The following RSU1 variants were observed in gnomAD, a reference collection of about 807,000 sequenced individuals.
The protein encoded by RSU1 is Ras suppressor protein 1.
Under a neutral mutation model 31.1 loss-of-function variants are expected in RSU1, and 26 were observed. The ratio of observed to expected loss-of-function variants is 0.84; its 90% confidence interval spans 0.61 to 1.16. The LOEUF (loss-of-function observed/expected upper bound fraction) is 1.16, where lower values mean the gene tolerates loss of function less well. Ranked by LOEUF, RSU1 falls within the 50% of genes most tolerant of loss-of-function variation. RSU1 has a pLI of 0.00. For missense variants in RSU1, 320 were observed against 339.1 expected (o/e 0.94, Z 0.44); for synonymous variants, 164 against 136.3 (o/e 1.20, Z -1.41).
chr10:16,756,948 T>C (rs1837099581), intron 4 of RSU1, among the ~76,000 whole-genome samples: 1 of 148,372 alleles, frequency 6.7e-6, no homozygotes, highest in Non-Finnish European at 1.5e-5. Flanking sequence ...GGCGGGTATG[T>C]GTGTGGTGTG....
intron 4 of RSU1, among the ~76,000 whole-genome samples, chr10:16,757,690 A>G (rs939026947): frequency 5.3e-5 from 8 of 152,160 alleles, no homozygotes; most frequent in African/African-American, 1.4e-4. Flanking sequence ...TGAAGGCGAC[A>G]TGTGTCTGGA....
rs116895863 is a variant in RSU1 at position 16,771,027 on chromosome 10, T to A, written c.161-6517A>T. Among the ~76,000 whole-genome samples, 430 of 151,410 alleles carry A rather than the reference T, an allele frequency of 2.8e-3. 10 individuals are homozygous for A. The East Asian group carries it at 0.064, about 23-fold the overall frequency. The stretch of plus-strand genomic sequence containing the variant: ...TAACAAATGAAAATGCCTGGGCAGA[T>A]GTTCACAATGTCATATATTTCTGCA... On this transcript the variant is annotated intron_variant, in intron 3 of 8. Transcript: ENST00000345264.
chr10:16,803,355 A>G (rs756055335), intron 2 of RSU1, among the ~76,000 whole-genome samples: 4 of 152,184 alleles, frequency 2.6e-5, no homozygotes, highest in Admixed American at 2.0e-4. Flanking sequence ...GAAGAAATCA[A>G]AGACCTAAAT....
At chr10:16,677,191 C>T (rs558985522) in intron 8 of RSU1, among the ~76,000 whole-genome samples, 11 of 152,242 alleles carry the variant, frequency 7.2e-5, no homozygotes, top group African/African-American at 9.6e-5. Context: ...AATGAGACAA[C>T]GTTCTTTTAA....
At chr10:16,688,681 G>C (rs532098862) in intron 8 of RSU1, among the ~76,000 whole-genome samples, 9 of 152,250 alleles carry the variant, frequency 5.9e-5, no homozygotes, top group African/African-American at 2.2e-4. Flanking sequence ...AGAATACATA[G>C]TCAACTTGTA....
intron 2 of RSU1, among the ~76,000 whole-genome samples, chr10:16,785,509 TAC>T (rs1432525842): frequency 1.5e-5 from 2 of 137,412 alleles, no homozygotes; most frequent in African/African-American, 3.1e-5. Context: ...TACACATATA[TAC>T]ATATATATAT....
chr10:16,694,562 AT>A, intron 8 of RSU1, among the ~76,000 whole-genome samples: 1 of 152,136 alleles, frequency 6.6e-6, no homozygotes, highest in Admixed American at 6.6e-5. Context: ...CAATGACCAC[AT>A]GCTGTTTTTT....
Position 16,593,334 on chromosome 10 carries a change from G to A in RSU1, c.*60C>T. ...TGGGTTTATTTGAGAGACAGGGCAA[G>A]AGAGAATGAAGTGTTGGAGAGAGAA... On this transcript the variant is annotated 3_prime_UTR_variant, in exon 9 of 9. Coordinates refer to ENST00000345264, the MANE Select transcript of RSU1 (RefSeq NM_012425.4). 6.2e-7 allele frequency: 1 copy of A among 1,612,052 alleles called. No individual in the cohort carries two copies. The highest frequency in any genetic ancestry group is 2.2e-5 in the East Asian group (1 of 44,830).
chr10:16,628,103 T>C (rs1182920828), intron 8 of RSU1, among the ~76,000 whole-genome samples: 5 of 152,138 alleles, frequency 3.3e-5, no homozygotes, highest in Admixed American at 3.3e-4. Context: ...TTCATTAGCC[T>C]GTCTATTACA....
intron 7 of RSU1, among the ~76,000 whole-genome samples, chr10:16,700,429 C>T (rs1409966820): frequency 1.3e-5 from 2 of 151,992 alleles, no homozygotes; most frequent in African/African-American, 4.8e-5. Context: ...CAGAAAGGAT[C>T]GAGATGGGAC....
rs112853189 is a variant in RSU1 at position 16,652,848 on chromosome 10, A to AT, written c.731+42174dup. Among the ~76,000 whole-genome samples, 195 of 145,690 alleles carry AT rather than the reference A, an allele frequency of 1.3e-3. 1 individual carries two copies. Among genetic ancestry groups the AT allele is most frequent in the East Asian group, 6.8e-3 (34 of 5,022 alleles). On this transcript the variant is annotated intron_variant, in intron 8 of 8. Coordinates refer to ENST00000345264, the MANE Select transcript of RSU1 (RefSeq NM_012425.4). ...CAGGTGCACCACCATGCCTGGCTACATTTTTTTTTTTAAAGAGATGGGGTC... is the reference window on the plus strand; with the variant it reads ...CAGGTGCACCACCATGCCTGGCTACATTTTTTTTTTTTAAAGAGATGGGGTC...
chr10:16,644,228 C>T (rs951871307), intron 8 of RSU1, among the ~76,000 whole-genome samples: 15 of 152,158 alleles, frequency 9.9e-5, no homozygotes, highest in Admixed American at 8.5e-4. Flanking sequence ...CTATCTACAA[C>T]TCACTACTAT....
intron 2 of RSU1, among the ~76,000 whole-genome samples, chr10:16,800,177 T>C (rs1838122231): frequency 1.3e-5 from 2 of 152,146 alleles, no homozygotes; most frequent in African/African-American, 4.8e-5. Flanking sequence ...CAATGCATCA[T>C]GTCTGGCTTA....
In RSU1 at chr10:16,660,866, C is replaced by T. The variant is rs190660843; in HGVS notation, c.731+34157G>A. 1.1e-4 allele frequency among the ~76,000 whole-genome samples: 16 copies of T among 151,922 alleles called. No individual in the cohort carries two copies. The East Asian group carries it at 1.9e-3, about 18-fold the overall frequency. On this transcript the variant is annotated intron_variant, in intron 8 of 8. Transcript: ENST00000345264. ...TTCACCATGTTGGCTAGGCTGTCCTCGAACTCCTGGCCTCAAGTGATCCAC... is the reference window on the plus strand; with the variant it reads ...TTCACCATGTTGGCTAGGCTGTCCTTGAACTCCTGGCCTCAAGTGATCCAC...
At chr10:16,782,186 G>A (rs183272402) in intron 2 of RSU1, 102 bp from the exon 3 acceptor site, 11 of 870,404 alleles carry the variant, frequency 1.3e-5, no homozygotes, top group African/African-American at 1.2e-4. Context: ...TATTTTCACA[G>A]GTTGAAGCAC....
At chr10:16,769,457 C>G (rs1020884520) in intron 3 of RSU1, among the ~76,000 whole-genome samples, 1 of 152,366 alleles carries the variant, frequency 6.6e-6, no homozygotes, top group African/African-American at 2.4e-5. Context: ...GGCAGGGATA[C>G]TGACCGTTTC....
At chr10:16,695,176 A>C (rs758897918) in intron 7 of RSU1, 21 bp from the exon 8 acceptor site, 8 of 1,578,414 alleles carry the variant, frequency 5.1e-6, no homozygotes. Flanking sequence ...GGAAAAAAAA[A>C]GTGAAGGTCA....
chr10:16,650,544 G>A (rs886479780), intron 8 of RSU1, among the ~76,000 whole-genome samples: 2 of 150,302 alleles, frequency 1.3e-5, no homozygotes, highest in Non-Finnish European at 3.0e-5. Context: ...AACTAAAACT[G>A]GAAGTCAGCA....
At chr10:16,799,191 T>A (rs181539693) in intron 2 of RSU1, among the ~76,000 whole-genome samples, 80 of 152,340 alleles carry the variant, frequency 5.3e-4, no homozygotes, top group Middle Eastern at 3.4e-3. Context: ...GGGAGCCGTA[T>A]TTCCAAAATT....
Sources: gnomAD v4.1 joint callset for allele counts (sites outside exome capture counted in the v4.1 genomes callset) on GRCh38, gnomAD v4.1.1 for gene constraint, MANE v1.5 for transcripts, NCBI Gene and HGNC (gene_info 2026-07-23, HGNC 2026-07-21) for gene names.